COG5: variants seen among roughly 807,000 people sequenced by gnomAD.
COG5 encodes the protein conserved oligomeric Golgi complex subunit 5.
In COG5, 86 loss-of-function variants were observed where a neutral mutation model predicts 110.4. The ratio of observed to expected loss-of-function variants is 0.78; its 90% confidence interval spans 0.65 to 0.93. The LOEUF is 0.93. COG5 is among the 40% of genes least tolerant of loss of function. The pLI, the probability that COG5 is intolerant of heterozygous loss-of-function variation, is 0.00. For synonymous variants in COG5, 360 were observed against 334.6 expected, an observed-to-expected ratio of 1.08 and a Z score of -0.83; for missense variants, 1,077 against 987.0, an observed-to-expected ratio of 1.09 and a Z score of -1.22.
intron 6 of COG5, among the ~76,000 whole-genome samples, chr7:107,419,134 T>C (rs1032857056): frequency 3.3e-5 from 5 of 152,186 alleles, no homozygotes; most frequent in African/African-American, 4.8e-5. Context: ...AGAGTGTTGC[T>C]AATAAGGTGT....
intron 6 of COG5, among the ~76,000 whole-genome samples, chr7:107,460,444 A>C (rs556736567): frequency 6.6e-6 from 1 of 152,298 alleles, no homozygotes; most frequent in South Asian, 2.1e-4. Flanking sequence ...AACAGCAAAG[A>C]GATACTTCAG....
chr7:107,275,248 T>C (rs1804609040), intron 14 of COG5, among the ~76,000 whole-genome samples: 1 of 150,438 alleles, frequency 6.6e-6, no homozygotes, highest in South Asian at 2.1e-4. Context: ...AGGCCAAGAG[T>C]TCAAGACCAA....
At position 107,458,845 on chromosome 7, in the gene COG5, T is replaced by C. The variant is rs566738915; in HGVS notation, c.539-46213A>G. On this transcript the variant is annotated intron_variant, in intron 6 of 21. Coordinates refer to ENST00000297135, the MANE Select transcript of COG5 (RefSeq NM_006348.5). ...CTGCATTCCAGCCTAGGCAACAGAG[T>C]GAGAATTCATGTATTTCATGTACAT... Among the ~76,000 whole-genome samples, 200 of 151,908 alleles carry C rather than the reference T, an allele frequency of 1.3e-3. 1 individual carries two copies. The highest frequency in any genetic ancestry group is 2.0e-3 in the Admixed American group (30 of 15,224).
intron 6 of COG5, among the ~76,000 whole-genome samples, chr7:107,460,529 A>G (rs577834525): frequency 2.2e-4 from 33 of 152,310 alleles, no homozygotes; most frequent in African/African-American, 1.7e-4. Flanking sequence ...GTAAAACAAT[A>G]CTGAACCACG....
At chr7:107,494,455 CCA>C (rs1211949938) in intron 6 of COG5, among the ~76,000 whole-genome samples, 1 of 152,140 alleles carries the variant, frequency 6.6e-6, no homozygotes, top group African/African-American at 2.4e-5. Context: ...GATGTCACAG[CCA>C]CAGTGACCTT....
chr7:107,474,073 C>G lies in COG5; in HGVS notation c.538+53164G>C. On this transcript the variant is annotated intron_variant, in intron 6 of 21. Coordinates refer to ENST00000297135, the MANE Select transcript of COG5 (RefSeq NM_006348.5). This position sits in a 1 kb window ranked among gnomAD's most constrained non-coding sequence, Gnocchi z 5.7. ...CTGCTCCAAAAGAATGTGTTTTTCT[C>G]CCATTCTGGAAATCAACATGCAGTC... 1 of 1,558,144 alleles carries G rather than the reference C, an allele frequency of 6.4e-7. No homozygotes were observed.
At chr7:107,540,363 G>C (rs1172158671) in intron 5 of COG5, among the ~76,000 whole-genome samples, 1 of 151,170 alleles carries the variant, frequency 6.6e-6, no homozygotes, top group African/African-American at 2.4e-5. Flanking sequence ...CTTGAGGCCA[G>C]GAGTTTGAAA....
At chr7:107,252,108 C>T (rs964520343) in intron 16 of COG5, among the ~76,000 whole-genome samples, 1 of 152,076 alleles carries the variant, frequency 6.6e-6, no homozygotes, top group African/African-American at 2.4e-5. Flanking sequence ...GTAGTCCCAG[C>T]CACTTCAAAG....
chr7:107,517,168 T>C (rs577970024), intron 6 of COG5, among the ~76,000 whole-genome samples: 3 of 152,080 alleles, frequency 2.0e-5, no homozygotes, highest in African/African-American at 4.8e-5. Flanking sequence ...CATTAATGAC[T>C]TGATGCAGCT....
At position 107,554,306 on chromosome 7, in the gene COG5, T is replaced by C; in HGVS notation, c.271A>G (p.Thr91Ala). 2 of 1,614,068 alleles carry C rather than the reference T, an allele frequency of 1.2e-6. No individual in the cohort carries two copies. The highest frequency in any genetic ancestry group is 2.2e-5 in the East Asian group (1 of 44,862). Reference sequence around the variant, plus strand: ...ATACCTTCCAACGACTCAATCCCAGTTGCTTGTGCCAGTAAATCTTCATGT... The same window carrying C: ...ATACCTTCCAACGACTCAATCCCAGCTGCTTGTGCCAGTAAATCTTCATGT... The part of the protein sequence containing the change: ...ARHEDLLAQA[T>A]GIESLEGVLQ... Residue 91 changes from threonine to alanine, a missense_variant, in exon 3 of 22, where the codon ACT (threonine) becomes GCT (alanine). Physicochemically the swap from Thr to Ala is moderately conservative, Grantham distance 58. Coordinates refer to ENST00000297135, the MANE Select transcript of COG5 (RefSeq NM_006348.5).
intron 7 of COG5, 83 bp from the exon 8 acceptor site, chr7:107,372,843 G>A (rs915424229): frequency 1.8e-5 from 23 of 1,297,612 alleles, no homozygotes; most frequent in Non-Finnish European, 2.4e-5. Context: ...CTTTAAGCAG[G>A]ACTTCAGCAG....
chr7:107,225,629 T>C (rs1485359842), intron 19 of COG5, among the ~76,000 whole-genome samples: 2 of 152,158 alleles, frequency 1.3e-5, no homozygotes, highest in African/African-American at 2.4e-5. Flanking sequence ...CCTCCCACCT[T>C]AGCCTACCGA....
rs116024796 is a variant in COG5 at position 107,529,523 on chromosome 7, C to T, written c.418-2166G>A. Among the ~76,000 whole-genome samples the T allele has an allele frequency of 2.3e-3, 357 of 152,268 alleles. 3 individuals carry two copies. Among genetic ancestry groups the T allele is most frequent in the African/African-American group, 8.1e-3 (335 of 41,568 alleles). On this transcript the variant is annotated intron_variant, in intron 5 of 21. Transcript: ENST00000297135. ...CACTCCACCTGAAAAAGGAAGAAAG[C>T]CTCAGGTGGGCATGCATAGAAATTC...
chr7:107,476,146 T>C (rs1026080153), intron 6 of COG5, among the ~76,000 whole-genome samples: 31 of 131,992 alleles, frequency 2.3e-4, no homozygotes, highest in Admixed American at 2.1e-3. Context: ...TGCTTAAGTC[T>C]AAGCCAAATG....
At position 107,386,232 on chromosome 7, in the gene COG5, C is replaced by G. The variant is rs1010135356; in HGVS notation, c.670-13472G>C. ...TCTTTAAAGACTAAACTTAGACCAT[C>G]CGCAGGTATATGATTGCTCTCTACT... On this transcript the variant is annotated intron_variant, in intron 7 of 21. Coordinates refer to ENST00000297135, the MANE Select transcript of COG5 (RefSeq NM_006348.5). 2.9e-5 allele frequency among the ~76,000 whole-genome samples: 4 copies of G among 139,452 alleles called. No homozygotes were observed. In the Admixed American group the frequency reaches 3.2e-4, roughly 11 times the overall value. The allele number at this position is 139,452 out of a possible 152,430, so 91.5% of individuals were successfully genotyped here.
At chr7:107,441,279 A>C (rs1794692375) in intron 6 of COG5, among the ~76,000 whole-genome samples, 2 of 141,866 alleles carry the variant, frequency 1.4e-5, no homozygotes, top group African/African-American at 5.2e-5. Context: ...AAAAAAAAAG[A>C]ATTACCAATC....
At chr7:107,444,420 C>A (rs1203591797) in intron 6 of COG5, among the ~76,000 whole-genome samples, 1 of 152,056 alleles carries the variant, frequency 6.6e-6, no homozygotes, top group Non-Finnish European at 1.5e-5. Context: ...TTGCACAGGC[C>A]AAATGGTTCA....
intron 10 of COG5, among the ~76,000 whole-genome samples, chr7:107,349,073 TG>T (rs1811894263): frequency 6.6e-6 from 1 of 152,216 alleles, no homozygotes; most frequent in African/African-American, 2.4e-5. Context: ...GATTGTACAT[TG>T]TTAATATATA....
At chr7:107,367,999 A>G (rs1029941435) in intron 8 of COG5, among the ~76,000 whole-genome samples, 2 of 152,174 alleles carry the variant, frequency 1.3e-5, no homozygotes, top group Middle Eastern at 3.2e-3. Context: ...AAAATAGAAT[A>G]AAATGTAAAA....
Sources: gnomAD v4.1 joint callset for allele counts (sites outside exome capture counted in the v4.1 genomes callset) on GRCh38, gnomAD v4.1.1 for gene constraint, Gnocchi (gnomAD v3.1) non-coding constraint, MANE v1.5 for transcripts, NCBI Gene and HGNC (gene_info 2026-07-23, HGNC 2026-07-21) for gene names.